Variants in ZSWIM6 observed in about 807,000 individuals in gnomAD.
The protein encoded by ZSWIM6 is zinc finger SWIM domain-containing protein 6.
ZSWIM6 carries 9 observed loss-of-function variants against 113.2 expected under a neutral mutation model. That is an observed-to-expected ratio of 0.08 (90% CI 0.05 to 0.14). ZSWIM6 has a LOEUF of 0.14. Ranked by LOEUF, ZSWIM6 falls within the 10% of genes least tolerant of loss-of-function variation. The pLI is 1.00. For synonymous variants in ZSWIM6, 611 were observed against 606.5 expected, an observed-to-expected ratio of 1.01 and a Z score of -0.11; for missense variants, 1,162 against 1,552.2, an observed-to-expected ratio of 0.75 and a Z score of 4.22.
At chr5:61,507,035 CTT>C (rs1748640663) in intron 4 of ZSWIM6, among the ~76,000 whole-genome samples, 1 of 152,108 alleles carries the variant, frequency 6.6e-6, no homozygotes, top group South Asian at 2.1e-4. Flanking sequence ...AGCCACTGGA[CTT>C]TCTTATTCAC....
At chr5:61,366,430 A>C (rs1196731785) in intron 1 of ZSWIM6, among the ~76,000 whole-genome samples, 2 of 152,216 alleles carry the variant, frequency 1.3e-5, no homozygotes, top group Non-Finnish European at 2.9e-5. Context: ...CCTCACAAAG[A>C]AGGTGAATAA....
intron 1 of ZSWIM6, among the ~76,000 whole-genome samples, chr5:61,419,895 A>G (rs894089651): frequency 6.6e-6 from 1 of 152,238 alleles, no homozygotes; most frequent in African/African-American, 2.4e-5. Flanking sequence ...GGTTTCATCA[A>G]TAGAAATATC....
At chr5:61,524,889 T>G (rs1488383687) in intron 5 of ZSWIM6, among the ~76,000 whole-genome samples, 2 of 152,256 alleles carry the variant, frequency 1.3e-5, no homozygotes, top group Non-Finnish European at 2.9e-5. Context: ...AAGGTAAGTT[T>G]AGAGTGGGAA....
At chr5:61,458,860 A>G (rs1277346494) in intron 1 of ZSWIM6, among the ~76,000 whole-genome samples, 2 of 151,380 alleles carry the variant, frequency 1.3e-5, no homozygotes, top group Non-Finnish European at 2.9e-5. Flanking sequence ...CCTGGGCAAC[A>G]GAGCGAGATT....
At chr5:61,443,295 A>G (rs1367025853) in intron 1 of ZSWIM6, among the ~76,000 whole-genome samples, 7 of 152,238 alleles carry the variant, frequency 4.6e-5, no homozygotes, top group Non-Finnish European at 1.0e-4. Flanking sequence ...ACAACAATTT[A>G]GCATAATAAT....
At chr5:61,385,484 G>A (rs899882921) in intron 1 of ZSWIM6, among the ~76,000 whole-genome samples, 1 of 152,234 alleles carries the variant, frequency 6.6e-6, no homozygotes. Flanking sequence ...TTAGACCTGA[G>A]TTTAGATCCT....
chr5:61,490,714 A>G, intron 2 of ZSWIM6, 72 bp from the exon 3 acceptor site: 1 of 1,412,232 alleles, frequency 7.1e-7, no homozygotes. Context: ...AGGCAAAAAG[A>G]GTCTTAATTA....
chr5:61,356,890 T>C (rs1744927523), intron 1 of ZSWIM6, among the ~76,000 whole-genome samples: 1 of 149,150 alleles, frequency 6.7e-6, no homozygotes, highest in Non-Finnish European at 1.5e-5. Context: ...AGAAGAAGTA[T>C]GGGTTTTCTT....
intron 1 of ZSWIM6, among the ~76,000 whole-genome samples, chr5:61,470,079 G>A (rs867825793): frequency 9.2e-5 from 14 of 152,204 alleles, no homozygotes; most frequent in Middle Eastern, 6.8e-3. Flanking sequence ...CTGGTTTAAC[G>A]CTTGGATCCT....
At chr5:61,415,269 T>C (rs2112118085) in intron 1 of ZSWIM6, among the ~76,000 whole-genome samples, 1 of 152,276 alleles carries the variant, frequency 6.6e-6, no homozygotes, top group Admixed American at 6.5e-5. Flanking sequence ...GGGAGTGTTA[T>C]TTTGATGTAT....
chr5:61,427,099 T>A (rs1746477365), intron 1 of ZSWIM6, among the ~76,000 whole-genome samples: 1 of 152,212 alleles, frequency 6.6e-6, no homozygotes, highest in African/African-American at 2.4e-5. Context: ...TGGCATCTAT[T>A]GATGGTTCAT....
chr5:61,498,959 C>T (rs1748390537), intron 4 of ZSWIM6, among the ~76,000 whole-genome samples: 2 of 152,084 alleles, frequency 1.3e-5, no homozygotes, highest in South Asian at 4.1e-4. Flanking sequence ...ACACCCCCAT[C>T]CCTGTTTTGA....
intron 4 of ZSWIM6, among the ~76,000 whole-genome samples, chr5:61,514,582 A>G (rs553153689): frequency 3.3e-5 from 5 of 152,238 alleles, no homozygotes; most frequent in South Asian, 2.1e-4. Flanking sequence ...CTTTATCATG[A>G]AGGAATGTCA....
intron 1 of ZSWIM6, among the ~76,000 whole-genome samples, chr5:61,403,726 ACT>A (rs1554033294): frequency 1.3e-5 from 2 of 152,170 alleles, no homozygotes; most frequent in Non-Finnish European, 2.9e-5. Context: ...GTATGCTTAG[ACT>A]CTGCGTGTGA....
chr5:61,401,654 T>C (rs1399760807), intron 1 of ZSWIM6, among the ~76,000 whole-genome samples: 2 of 152,156 alleles, frequency 1.3e-5, no homozygotes, highest in Non-Finnish European at 2.9e-5. Flanking sequence ...ACATAAATTA[T>C]CTGTCTAAAG....
At chr5:61,432,944 G>A (rs921719445) in intron 1 of ZSWIM6, among the ~76,000 whole-genome samples, 1 of 152,022 alleles carries the variant, frequency 6.6e-6, no homozygotes, top group Non-Finnish European at 1.5e-5. Flanking sequence ...CCTTGGTTTA[G>A]TACTCCATAT....
Position 61,332,473 on chromosome 5 carries a change from G to T in ZSWIM6, c.201G>T (p.Pro67=). ...CGGGAALGLL[P]PGKTQSPESL... is the part of the protein sequence containing the mutation. The stretch of plus-strand genomic sequence containing the variant: ...GCGGCGCGGCGCTGGGGTTGCTGCC[G>T]CCGGGCAAGACCCAGAGCCCCGAGT... The change falls in exon 1 of 14, where the codon CCG becomes CCT. Residue 67 remains proline (P), a synonymous_variant. Transcript: ENST00000252744. The T allele has an allele frequency of 8.8e-7, 1 of 1,141,022 alleles. No individual in the cohort carries two copies. Among genetic ancestry groups the T allele is most frequent in the Non-Finnish European group, 1.1e-6 (1 of 911,600 alleles). The allele number at this position is 1,141,022 out of a possible 1,614,324, so 70.7% of individuals were successfully genotyped here. A position where few individuals can be genotyped will look rare whatever the true frequency, so the allele number is the denominator to read the frequency against.
intron 1 of ZSWIM6, among the ~76,000 whole-genome samples, chr5:61,468,366 T>C (rs1034330064): frequency 6.6e-6 from 1 of 152,252 alleles, no homozygotes; most frequent in African/African-American, 2.4e-5. Context: ...TGTGAAGCTC[T>C]TGTGGAATTA....
chr5:61,534,698 C>T (rs1749529967), intron 9 of ZSWIM6, among the ~76,000 whole-genome samples: 1 of 152,138 alleles, frequency 6.6e-6, no homozygotes, highest in East Asian at 1.9e-4. Flanking sequence ...TCTATGTTGC[C>T]GTTCTCAAAG....
Sources: allele counts gnomAD v4.1 joint callset (sites outside exome capture counted in the v4.1 genomes callset), GRCh38; gene constraint gnomAD v4.1.1; transcripts MANE v1.5; gene names NCBI Gene and HGNC (gene_info 2026-07-23, HGNC 2026-07-21).